Variants in PRELID2 observed in about 807,000 individuals in gnomAD.
PRELID2 encodes PRELI domain-containing protein 2.
Under a neutral mutation model 28.4 loss-of-function variants are expected in PRELID2, and 25 were observed. The ratio of observed to expected loss-of-function variants is 0.88; its 90% CI spans 0.64 to 1.23. PRELID2 has a LOEUF of 1.23. Among genes scored for constraint, PRELID2 ranks in the 50% most tolerant of loss-of-function variants. PRELID2 has a pLI of 0.00. For missense variants in PRELID2, 201 were observed against 214.4 expected, an observed-to-expected ratio of 0.94 and a Z score of 0.39; for synonymous variants, 76 against 71.6, an observed-to-expected ratio of 1.06 and a Z score of -0.31.
intron 1 of PRELID2, among the ~76,000 whole-genome samples, chr5:145,631,616 T>G (rs897015053): frequency 1.3e-5 from 2 of 152,206 alleles, no homozygotes; most frequent in Non-Finnish European, 1.5e-5. Context: ...TTTTATTCAC[T>G]GACACATCCT....
At chr5:145,349,918 G>A in the PRELID2 span, among the ~76,000 whole-genome samples, 1 of 152,086 alleles carries the variant, frequency 6.6e-6, no homozygotes, top group Non-Finnish European at 1.5e-5. Context: ...TATTTATTCA[G>A]TAAACAATTA....
the PRELID2 span, among the ~76,000 whole-genome samples, chr5:145,371,258 A>G: frequency 9.8e-4 from 149 of 152,194 alleles, no homozygotes; most frequent in Non-Finnish European, 1.8e-3. Flanking sequence ...ATTTGTCATA[A>G]ATAGCTCTTA....
At chr5:145,578,281 C>T (rs1753078518) in intron 1 of PRELID2, among the ~76,000 whole-genome samples, 1 of 152,130 alleles carries the variant, frequency 6.6e-6, no homozygotes, top group South Asian at 2.1e-4. Context: ...CTACCTCCTA[C>T]AAAACACATG....
At chr5:145,537,505 G>A (rs1401632418) in intron 1 of PRELID2, among the ~76,000 whole-genome samples, 1 of 151,784 alleles carries the variant, frequency 6.6e-6, no homozygotes, top group Non-Finnish European at 1.5e-5. Context: ...CTTTTTGATA[G>A]TAGCCATTCC....
the PRELID2 span, among the ~76,000 whole-genome samples, chr5:145,443,602 G>C: frequency 6.6e-6 from 1 of 152,044 alleles, no homozygotes; most frequent in Admixed American, 6.6e-5. Context: ...AAATAACATT[G>C]GGCATGCAAA....
chr5:145,538,827 T>C (rs1752722530), intron 1 of PRELID2, among the ~76,000 whole-genome samples: 1 of 151,878 alleles, frequency 6.6e-6, no homozygotes, highest in African/African-American at 2.4e-5. Context: ...TATGAGGACA[T>C]AGTTATGAAC....
At chr5:145,554,289 G>T (rs2126684547) in intron 1 of PRELID2, among the ~76,000 whole-genome samples, 1 of 152,302 alleles carries the variant, frequency 6.6e-6, no homozygotes, top group South Asian at 2.1e-4. Context: ...CCACCAGTGT[G>T]GGAGAATGTG....
the PRELID2 span, among the ~76,000 whole-genome samples, chr5:145,407,118 T>C: frequency 6.6e-6 from 1 of 152,196 alleles, no homozygotes; most frequent in South Asian, 2.1e-4. Flanking sequence ...AGTACAGATA[T>C]GAGCACAGAA....
chr5:145,237,142 C>T, the PRELID2 span, among the ~76,000 whole-genome samples: 1 of 152,150 alleles, frequency 6.6e-6, no homozygotes, highest in Non-Finnish European at 1.5e-5. Flanking sequence ...CTCCTTGAGC[C>T]TGTGTCCTGC....
intron 1 of PRELID2, among the ~76,000 whole-genome samples, chr5:145,660,451 T>G (rs1754471514): frequency 1.3e-5 from 2 of 152,168 alleles, no homozygotes; most frequent in Admixed American, 1.3e-4. Flanking sequence ...CTAGGCAGAA[T>G]AAAGCCCAAA....
At chr5:145,585,523 G>A (rs1007571208) in intron 1 of PRELID2, among the ~76,000 whole-genome samples, 2 of 152,054 alleles carry the variant, frequency 1.3e-5, no homozygotes, top group African/African-American at 4.8e-5. Flanking sequence ...ATTACATAAG[G>A]TAATCTATGT....
chr5:145,294,615 G>A, the PRELID2 span, among the ~76,000 whole-genome samples: 3 of 151,960 alleles, frequency 2.0e-5, no homozygotes, highest in Admixed American at 2.0e-4. Flanking sequence ...ACCCGCTAAA[G>A]TTTGTCATTG....
chr5:145,668,666 A>G (rs867606787), intron 1 of PRELID2, among the ~76,000 whole-genome samples: 3 of 152,208 alleles, frequency 2.0e-5, no homozygotes, highest in East Asian at 3.9e-4. Context: ...TCACAACCCT[A>G]TTTCAATGGA....
At chr5:145,229,118 A>T in the PRELID2 span, 1 of 1,387,186 alleles carries the variant, frequency 7.2e-7, no homozygotes, top group South Asian at 1.2e-5. Context: ...CCCACAAAAA[A>T]GTGGAAACCG....
At chr5:145,249,957 C>CTT in the PRELID2 span, among the ~76,000 whole-genome samples, 1 of 151,646 alleles carries the variant, frequency 6.6e-6, no homozygotes, top group African/African-American at 2.4e-5. Context: ...CTCTCTCTCT[C>CTT]TCTCTCTCCT....
intron 5 of PRELID2, among the ~76,000 whole-genome samples, chr5:145,768,592 C>A (rs146024861): frequency 6.6e-6 from 1 of 152,260 alleles, no homozygotes; most frequent in East Asian, 1.9e-4. Context: ...CTCTTTCAAG[C>A]TTCTATTTAC....
chr5:145,646,013 G>C (rs1171988802), intron 1 of PRELID2, among the ~76,000 whole-genome samples: 2 of 152,026 alleles, frequency 1.3e-5, no homozygotes, highest in African/African-American at 4.8e-5. Flanking sequence ...ATGTTTCTTG[G>C]GGTTGCTCTT....
chr5:145,820,692 A>G (rs548773368), intron 2 of PRELID2, among the ~76,000 whole-genome samples: 170 of 152,316 alleles, frequency 1.1e-3, no homozygotes, highest in Non-Finnish European at 1.5e-3. Flanking sequence ...TGGTCTCCTC[A>G]GAAGAAGAAG....
Position 145,644,206 on chromosome 5 carries a change from A to C in PRELID2, n.70+120725T>G, listed in dbSNP as rs571422631. Among the ~76,000 whole-genome samples, 8 of 136,750 alleles carry C rather than the reference A, an allele frequency of 5.9e-5. No homozygotes were observed. The South Asian group carries it at 1.7e-3, about 29-fold the overall frequency. 89.7% of individuals were successfully genotyped at this position (136,750 alleles called of 152,430 possible). A position where few individuals can be genotyped will look rare whatever the true frequency, so the allele number is the denominator to read the frequency against. Reference sequence around the variant, plus strand: ...CAATTTCAGAACTTGGTATTGGTCTATTAAGGATTCGACTCCTTCCTGATT... The same window carrying C: ...CAATTTCAGAACTTGGTATTGGTCTCTTAAGGATTCGACTCCTTCCTGATT... On this transcript the variant is annotated intron_variant and non_coding_transcript_variant, in intron 1 of 2. Transcript: ENST00000510259.
Sources: allele counts gnomAD v4.1 joint callset (sites outside exome capture counted in the v4.1 genomes callset), GRCh38; gene constraint gnomAD v4.1.1; transcripts MANE v1.5; gene names NCBI Gene and HGNC (gene_info 2026-07-23, HGNC 2026-07-21).